CAMTA1: variants seen among roughly 807,000 people sequenced by gnomAD.
The protein encoded by CAMTA1 is calmodulin binding transcription activator 1.
A neutral mutation model predicts 170.9 loss-of-function variants in CAMTA1; 27 were observed. The ratio of observed to expected loss-of-function variants is 0.16; its 90% CI spans 0.12 to 0.22. The LOEUF (loss-of-function observed/expected upper bound fraction) is 0.22, where lower values mean the gene tolerates loss of function less well. Among genes scored for constraint, CAMTA1 ranks in the 10% least tolerant of loss-of-function variants. The probability of loss-of-function intolerance (pLI) is 1.00; values close to 1 mark genes in which losing one functional copy is unlikely to be tolerated. For missense variants in CAMTA1, 1,619 were observed against 2,217.2 expected (o/e 0.73, Z 5.42); for synonymous variants, 833 against 891.5 (o/e 0.93, Z 1.17).
rs554775298 is a variant in CAMTA1 at position 7,562,359 on chromosome 1, A to G, written c.511-78041A>G. 2.0e-4 allele frequency among the ~76,000 whole-genome samples: 30 copies of G among 152,332 alleles called. No homozygotes were observed. The highest frequency in any genetic ancestry group is 1.7e-3 in the Admixed American group (26 of 15,304). ...CCTGCATCGTTGGGCAGTGTAACTC[A>G]GTTGGGTATCAGGGCTGGTGGCAGC... On this transcript the variant is annotated intron_variant, in intron 6 of 22. Transcript: ENST00000303635. This position sits in a 1 kb window ranked among gnomAD's most constrained non-coding sequence, Gnocchi z 4.8.
intron 7 of CAMTA1, among the ~76,000 whole-genome samples, chr1:7,652,204 C>T (rs1222972367): frequency 2.0e-5 from 3 of 152,218 alleles, no homozygotes; most frequent in African/African-American, 7.2e-5. Flanking sequence ...AAGCCTGCTG[C>T]CGTGACAAGA....
rs34562557 is a variant in CAMTA1, at chr1:6,952,430, C to CAA, written c.234+127227_234+127228dup. Among the ~76,000 whole-genome samples the CAA allele has an allele frequency of 5.0e-3, 65 of 12,962 alleles. 5 individuals carry two copies. The highest frequency in any genetic ancestry group is 0.012 in the African/African-American group (47 of 3,830). The allele number at this position is 12,962 out of a possible 152,430, so 8.5% of individuals were successfully genotyped here. A position where few individuals can be genotyped will look rare whatever the true frequency, so the allele number is the denominator to read the frequency against. On this transcript the variant is annotated intron_variant, in intron 3 of 22. Coordinates refer to ENST00000303635, the MANE Select transcript of CAMTA1 (RefSeq NM_015215.4). ...TGGGGGACAGAGCGAGACTCTGTCT[C>CAA]AAAAAAAAGAAAAAAAAAAAAAAAA...
intron 6 of CAMTA1, among the ~76,000 whole-genome samples, chr1:7,577,996 C>G (rs1005646658): frequency 6.6e-6 from 1 of 152,202 alleles, no homozygotes; most frequent in Non-Finnish European, 1.5e-5. Context: ...GTTCAGGGAA[C>G]ACTGGGTACA....
At chr1:7,488,557 C>G (rs1406120235) in intron 6 of CAMTA1, among the ~76,000 whole-genome samples, 1 of 152,114 alleles carries the variant, frequency 6.6e-6, no homozygotes, top group Non-Finnish European at 1.5e-5. Flanking sequence ...CATCTGTACA[C>G]ATGCATGCAC....
In CAMTA1 at chr1:7,455,310, A is replaced by G. The variant is rs79436280; in HGVS notation, c.439-12520A>G. Among the ~76,000 whole-genome samples the G allele has an allele frequency of 6.6e-6, 1 of 152,122 alleles. No individual in the cohort carries two copies. The highest frequency in any genetic ancestry group is 1.5e-5 in the Non-Finnish European group (1 of 68,032). Reference sequence around the variant, plus strand: ...CTGCTGTCTGCTCTCTTTTGTAGAGATGTTTTCGTGAACTTGAGAAAAAAT... The same window carrying G: ...CTGCTGTCTGCTCTCTTTTGTAGAGGTGTTTTCGTGAACTTGAGAAAAAAT... On this transcript the variant is annotated intron_variant, in intron 5 of 22. Transcript: ENST00000303635. The surrounding 1 kb of genome is among the most constrained non-coding windows in gnomAD (Gnocchi z 5.0).
chr1:7,256,688 A>T (rs1667423775), intron 5 of CAMTA1, among the ~76,000 whole-genome samples: 2 of 152,358 alleles, frequency 1.3e-5, no homozygotes, highest in South Asian at 4.1e-4. Context: ...TTGCTATCAC[A>T]AAAGATCATA....
intron 6 of CAMTA1, among the ~76,000 whole-genome samples, chr1:7,490,652 CA>C (rs35431162): frequency 1.1e-4 from 16 of 148,424 alleles, no homozygotes; most frequent in Admixed American, 2.0e-4. Context: ...AACTCCATCT[CA>C]AAAAAAAAAA....
At chr1:6,800,311 G>A (rs1274044170) in intron 1 of CAMTA1, among the ~76,000 whole-genome samples, 5 of 152,050 alleles carry the variant, frequency 3.3e-5, no homozygotes, top group Non-Finnish European at 7.4e-5. Context: ...GGAGGCTGAG[G>A]TTGGAGGATT....
intron 16 of CAMTA1, among the ~76,000 whole-genome samples, chr1:7,739,536 A>G (rs1056094859): frequency 2.6e-5 from 4 of 152,236 alleles, no homozygotes; most frequent in African/African-American, 9.6e-5. Flanking sequence ...GAATTTATAA[A>G]GAAAAAGAGG....
At chr1:7,628,239 A>G (rs2095646428) in intron 6 of CAMTA1, among the ~76,000 whole-genome samples, 1 of 152,180 alleles carries the variant, frequency 6.6e-6, no homozygotes, top group Non-Finnish European at 1.5e-5. Flanking sequence ...CCCAGGTTCG[A>G]GTTCAGCAGG....
intron 6 of CAMTA1, among the ~76,000 whole-genome samples, chr1:7,497,321 G>T (rs555642149): frequency 1.3e-5 from 2 of 152,130 alleles, no homozygotes; most frequent in African/African-American, 4.8e-5. Flanking sequence ...AACAGCTCAC[G>T]CAGGGGGCCA....
intron 6 of CAMTA1, among the ~76,000 whole-genome samples, chr1:7,638,591 G>A (rs747469364): frequency 6.6e-6 from 1 of 151,838 alleles, no homozygotes; most frequent in African/African-American, 2.4e-5. Context: ...GCAGTGAGCC[G>A]ATATTAGGCC....
rs755361231 is a variant in CAMTA1 at position 7,664,206 on chromosome 1, G to A, written c.1659G>A (p.Ala553=). 6.2e-6 allele frequency: 10 copies of A among 1,612,660 alleles called. No homozygotes were observed. The Middle Eastern group carries it at 4.9e-4, about 80-fold the overall frequency. Residue 553 remains alanine (A), a synonymous_variant, in exon 9 of 23, where the codon GCG becomes GCA. Coordinates refer to ENST00000303635, the MANE Select transcript of CAMTA1 (RefSeq NM_015215.4). ...MAKEAYSSSA[A]AVAASSLTLT... The stretch of plus-strand genomic sequence containing the variant: ...AAGAAGCGTACTCCTCCTCCGCGGC[G>A]GCTGTGGCAGCCAGCTCCCTCACCC...
At chr1:7,215,586 G>T (rs900284085) in intron 4 of CAMTA1, among the ~76,000 whole-genome samples, 3 of 152,182 alleles carry the variant, frequency 2.0e-5, no homozygotes, top group Non-Finnish European at 4.4e-5. Flanking sequence ...TAGAGACGGG[G>T]TTTCACCATG....
intron 5 of CAMTA1, among the ~76,000 whole-genome samples, chr1:7,358,006 G>C (rs2085254468): frequency 6.6e-6 from 1 of 152,228 alleles, no homozygotes; most frequent in South Asian, 2.1e-4. Context: ...AGGGCTGCTT[G>C]TGTGCTGGAG....
chr1:7,203,327 G>C (rs562493006), intron 4 of CAMTA1, among the ~76,000 whole-genome samples: 28 of 152,086 alleles, frequency 1.8e-4, no homozygotes, highest in African/African-American at 6.5e-4. Context: ...TTTTTGTCTG[G>C]TTTTGGTATC....
Position 6,954,140 on chromosome 1 carries a change from C to T in CAMTA1, c.234+128930C>T, listed in dbSNP as rs146692651. On this transcript the variant is annotated intron_variant, in intron 3 of 22. Transcript: ENST00000303635. ...AAAAGCTTGTGTTGCTTTTGCCAGC[C>T]AGCCAGCCAGCCAGCTGGGAAAGCT... Among the ~76,000 whole-genome samples the T allele has an allele frequency of 7.9e-5, 12 of 152,328 alleles. No individual in the cohort carries two copies. In the East Asian group the frequency reaches 1.7e-3, roughly 22 times the overall value.
intron 5 of CAMTA1, among the ~76,000 whole-genome samples, chr1:7,401,460 C>T (rs58215874): frequency 0.07 from 10,643 of 152,048 alleles, 903 homozygotes; most frequent in African/African-American, 0.2. Flanking sequence ...TCAAAAATTG[C>T]TTTGGAAATT....
At chr1:7,291,539 C>G (rs927609226) in intron 5 of CAMTA1, among the ~76,000 whole-genome samples, 1 of 152,244 alleles carries the variant, frequency 6.6e-6, no homozygotes, top group Non-Finnish European at 1.5e-5. Flanking sequence ...AAATGGTCAG[C>G]TTGTCTTCTG....
Sources: allele counts gnomAD v4.1 joint callset (sites outside exome capture counted in the v4.1 genomes callset), GRCh38; gene constraint gnomAD v4.1.1; non-coding constraint Gnocchi (gnomAD v3.1); transcripts MANE v1.5; gene names NCBI Gene and HGNC (gene_info 2026-07-23, HGNC 2026-07-21).